CALCR: variants seen among roughly 807,000 people sequenced by gnomAD.
The protein encoded by CALCR is calcitonin receptor.
CALCR carries 47 observed loss-of-function variants against 59.5 expected under a neutral mutation model. That is an observed-to-expected ratio of 0.79 (90% CI 0.63 to 1.01). CALCR has a LOEUF of 1.01. Among genes scored for constraint, CALCR ranks in the 50% least tolerant of loss-of-function variants. CALCR has a pLI of 0.00. For missense variants in CALCR, 566 were observed against 597.1 expected (o/e 0.95, Z 0.54); for synonymous variants, 213 against 211.3 (o/e 1.01, Z -0.07).
intron 8 of CALCR, among the ~76,000 whole-genome samples, chr7:93,457,463 C>A (rs1800231057): frequency 2.6e-5 from 4 of 152,142 alleles, no homozygotes. Flanking sequence ...GTCCCTTTTA[C>A]ATTTACAGAT....
rs1283322566 is a variant in CALCR at position 93,538,180 on chromosome 7, C to A, written c.-27+36109G>T. ...CATAAAGTCTCTATCTTTATTGGGA[C>A]CTTTGTGGTTATTACAATAACAAAA... On this transcript the variant is annotated intron_variant, in intron 2 of 13. Coordinates refer to ENST00000426151, the MANE Select transcript of CALCR (RefSeq NM_001742.4). Among the ~76,000 whole-genome samples the A allele has an allele frequency of 4.6e-5, 7 of 151,902 alleles. No homozygotes were observed. In the East Asian group the frequency reaches 1.2e-3, roughly 25 times the overall value.
chr7:93,438,035 A>G, intron 11 of CALCR, 25 bp downstream of exon 11: 1 of 1,577,902 alleles, frequency 6.3e-7, no homozygotes, highest in Non-Finnish European at 8.7e-7. Flanking sequence ...TACTACTAAT[A>G]TTGCAATAAA....
chr7:93,489,968 T>C (rs1801037742), intron 2 of CALCR, among the ~76,000 whole-genome samples: 1 of 151,884 alleles, frequency 6.6e-6, no homozygotes, highest in South Asian at 2.1e-4. Flanking sequence ...GAAGAACACT[T>C]CAGGCCAATA....
intron 2 of CALCR, among the ~76,000 whole-genome samples, chr7:93,530,800 T>C (rs906256390): frequency 2.0e-5 from 3 of 152,120 alleles, no homozygotes; most frequent in African/African-American, 7.2e-5. Context: ...AAATGGCTGG[T>C]TGTTGGAAAA....
intron 2 of CALCR, among the ~76,000 whole-genome samples, chr7:93,519,108 A>T (rs1458548459): frequency 1.3e-5 from 2 of 151,972 alleles, no homozygotes; most frequent in African/African-American, 4.8e-5. Flanking sequence ...GAGTTCTTAT[A>T]TGAAGGCTTT....
At position 93,570,821 on chromosome 7, in the gene CALCR, G is replaced by A. The variant is rs1584639567; in HGVS notation, c.-27+3468C>T. On this transcript the variant is annotated intron_variant, in intron 2 of 13. Transcript: ENST00000426151. The stretch of plus-strand genomic sequence containing the variant: ...TCCTGTGATCCACTCTTTCTTCCCT[G>A]AAACATTTTTTTTCTTAAAAACAAA... Among the ~76,000 whole-genome samples the A allele has an allele frequency of 2.0e-5, 3 of 152,018 alleles. No homozygotes were observed. The East Asian group carries it at 5.8e-4, about 29-fold the overall frequency.
At chr7:93,475,194 T>C (rs1800641793) in intron 5 of CALCR, among the ~76,000 whole-genome samples, 1 of 151,794 alleles carries the variant, frequency 6.6e-6, no homozygotes, top group Admixed American at 6.6e-5. Flanking sequence ...GTTATTTGTA[T>C]GTTTAATTTT....
intron 2 of CALCR, among the ~76,000 whole-genome samples, chr7:93,542,215 T>G (rs1398245048): frequency 6.6e-6 from 1 of 152,178 alleles, no homozygotes; most frequent in African/African-American, 2.4e-5. Context: ...CTAGGTGATA[T>G]AGCTTACTAC....
chr7:93,574,195 A>G (rs1002995384), intron 2 of CALCR, 94 bp downstream of exon 2: 12 of 152,230 alleles, frequency 7.9e-5, no homozygotes, highest in African/African-American at 2.9e-4. Context: ...CATTTCTATA[A>G]TCAAAAAGCA....
chr7:93,541,972 T>C (rs1789154410), intron 2 of CALCR, among the ~76,000 whole-genome samples: 1 of 152,150 alleles, frequency 6.6e-6, no homozygotes, highest in Non-Finnish European at 1.5e-5. Context: ...GTATGGCTGA[T>C]TACATAAAAT....
Position 93,438,144 on chromosome 7 carries a change from G to A in CALCR, c.864-18C>T, listed in dbSNP as rs1433094729. On this transcript the variant is annotated intron_variant, in intron 10 of 13. Transcript: ENST00000426151. The stretch of plus-strand genomic sequence containing the variant: ...GCCAGCAGCTGAAAAAGGGCAAGGG[G>A]ACAATTAATACACAAATACATTTTG... 5.0e-6 allele frequency: 8 copies of A among 1,613,294 alleles called. No homozygotes were observed. The South Asian group carries it at 6.6e-5, about 13-fold the overall frequency.
chr7:93,482,492 T>G (rs1439528749), intron 3 of CALCR, among the ~76,000 whole-genome samples: 1 of 151,804 alleles, frequency 6.6e-6, no homozygotes, highest in Admixed American at 6.6e-5. Context: ...CACTGGGAAG[T>G]ATTTTGTTTA....
intron 2 of CALCR, among the ~76,000 whole-genome samples, chr7:93,514,513 T>A (rs550783260): frequency 1.3e-4 from 20 of 152,064 alleles, no homozygotes; most frequent in African/African-American, 4.6e-4. Flanking sequence ...AATATAATAA[T>A]ACACTATTAT....
intron 3 of CALCR, among the ~76,000 whole-genome samples, chr7:93,481,743 A>T (rs1020539072): frequency 1.3e-5 from 2 of 151,896 alleles, no homozygotes; most frequent in Non-Finnish European, 2.9e-5. Context: ...TACTCTTTAA[A>T]CATTTTGTTG....
At chr7:93,572,100 A>G (rs1388392811) in intron 2 of CALCR, among the ~76,000 whole-genome samples, 3 of 152,272 alleles carry the variant, frequency 2.0e-5, no homozygotes, top group African/African-American at 7.2e-5. Context: ...TGTTTTCTGG[A>G]TAAAAAATGT....
At position 93,424,670 on chromosome 7, in the gene CALCR, A is replaced by ATAAT. The variant is rs1799485642; in HGVS notation, c.*1682_*1685dup. ...TTTCTTCAACCCCTACTATATTAGC[A>ATAAT]TAATAACATCTAAAATATTTTAGCA... On this transcript the variant is annotated 3_prime_UTR_variant, in exon 14 of 14. Coordinates refer to ENST00000426151, the MANE Select transcript of CALCR (RefSeq NM_001742.4). 1 of 152,620 alleles carries ATAAT rather than the reference A, an allele frequency of 6.6e-6. No homozygotes were observed. The highest frequency in any genetic ancestry group is 1.5e-5 in the Non-Finnish European group (1 of 68,008). 9.5% of individuals were successfully genotyped at this position (152,620 alleles called of 1,614,324 possible). A position where few individuals can be genotyped will look rare whatever the true frequency, so the allele number is the denominator to read the frequency against.
Position 93,433,848 on chromosome 7 carries a change from C to T in CALCR, c.1191+405G>A, listed in dbSNP as rs1286402132. Among the ~76,000 whole-genome samples the T allele has an allele frequency of 3.3e-5, 5 of 152,294 alleles. No individual in the cohort carries two copies. In the South Asian group the frequency reaches 8.3e-4, roughly 25 times the overall value. Reference sequence around the variant, plus strand: ...TCAAAACGCTGAGTAAGTAGTAGGGCGTTAGCACCAAGCAACTGGAAAAGA... The same window carrying T: ...TCAAAACGCTGAGTAAGTAGTAGGGTGTTAGCACCAAGCAACTGGAAAAGA... On this transcript the variant is annotated intron_variant, in intron 13 of 13. Transcript: ENST00000426151.
chr7:93,525,037 T>G (rs1287397437), intron 2 of CALCR, among the ~76,000 whole-genome samples: 6 of 152,174 alleles, frequency 3.9e-5, no homozygotes, highest in East Asian at 3.8e-4. Context: ...ACAAAATACT[T>G]CATAATTATA....
At chr7:93,473,492 A>C (rs879032278) in intron 5 of CALCR, among the ~76,000 whole-genome samples, 9 of 151,914 alleles carry the variant, frequency 5.9e-5, no homozygotes, top group South Asian at 4.1e-4. Context: ...CTTATTGTTA[A>C]GATGCAGATG....
Sources: allele counts gnomAD v4.1 joint callset (sites outside exome capture counted in the v4.1 genomes callset), GRCh38; gene constraint gnomAD v4.1.1; transcripts MANE v1.5; gene names NCBI Gene and HGNC (gene_info 2026-07-23, HGNC 2026-07-21).